IL5: variants seen among roughly 807,000 people sequenced by gnomAD.
IL5 encodes interleukin-5.
IL5 carries 12 observed loss-of-function variants against 16.3 expected under a neutral mutation model. That is an observed-to-expected ratio of 0.74 (90% CI 0.47 to 1.20). The LOEUF (loss-of-function observed/expected upper bound fraction) is 1.20, where lower values mean the gene tolerates loss of function less well. IL5 is among the 50% of genes most tolerant of loss of function. The pLI is 0.00. For synonymous variants in IL5, 54 were observed against 56.6 expected (o/e 0.95, Z 0.21); for missense variants, 159 against 153.9 (o/e 1.03, Z -0.17).
intron 1 of IL5, among the ~76,000 whole-genome samples, chr5:132,552,958 T>A (rs1021305729): frequency 1.9e-4 from 29 of 152,058 alleles, no homozygotes; most frequent in African/African-American, 7.0e-4. Context: ...ATGGTCTCAA[T>A]CTCCTGGCCT....
chr5:132,551,887 A>G (rs918791370), intron 1 of IL5, among the ~76,000 whole-genome samples: 4 of 152,178 alleles, frequency 2.6e-5, no homozygotes, highest in East Asian at 1.9e-4. Flanking sequence ...TTAAATTGCA[A>G]TTTCTAAGAA....
upstream of IL5, among the ~76,000 whole-genome samples, chr5:132,548,127 A>G (rs1465031605): frequency 6.6e-6 from 1 of 152,048 alleles, no homozygotes; most frequent in East Asian, 1.9e-4. Context: ...GATTGTTTTT[A>G]CCATTATTAT....
intron 1 of IL5, among the ~76,000 whole-genome samples, chr5:132,554,814 T>TA (rs1353141391): frequency 5.9e-5 from 9 of 152,190 alleles, no homozygotes; most frequent in Admixed American, 1.3e-4. Flanking sequence ...AATAGATGGA[T>TA]AAGCAAAATG....
chr5:132,543,608 A>G, upstream of IL5: 2 of 820,344 alleles, frequency 2.4e-6, no homozygotes, highest in South Asian at 5.8e-5. Flanking sequence ...AATGCCTAAT[A>G]ATGGCATATC....
upstream of IL5, among the ~76,000 whole-genome samples, chr5:132,548,485 A>G (rs1749829050): frequency 6.6e-6 from 1 of 152,232 alleles, no homozygotes; most frequent in Non-Finnish European, 1.5e-5. Flanking sequence ...CAGGTCCTTG[A>G]ATAACTTTGC....
chr5:132,551,474 T>G (rs1749881533), intron 1 of IL5, among the ~76,000 whole-genome samples: 1 of 152,140 alleles, frequency 6.6e-6, no homozygotes, highest in South Asian at 2.1e-4. Context: ...TACTCCAGTT[T>G]CCTCTCACAT....
At chr5:132,545,759 C>G (rs1037902793), upstream of IL5, among the ~76,000 whole-genome samples, 5 of 152,032 alleles carry the variant, frequency 3.3e-5, no homozygotes, top group Non-Finnish European at 5.9e-5. Context: ...TTCAAAGAAG[C>G]CTTTATAAAA....
At position 132,543,478 on chromosome 5, in the gene IL5, TG is replaced by T; in HGVS notation, c.-1del. The T allele has an allele frequency of 6.2e-7, 1 of 1,614,074 alleles. No individual in the cohort carries two copies. The highest frequency in any genetic ancestry group is 8.5e-7 in the Non-Finnish European group (1 of 1,179,956). On this transcript the variant is annotated 5_prime_UTR_variant, in exon 1 of 4. Transcript: ENST00000231454. ...AAACTCAAATGCAGAAGCATCCTCA[TG>T]GCTCTGAAACGTTCTGCGTTTGCCT...
intron 1 of IL5, among the ~76,000 whole-genome samples, chr5:132,552,605 AT>A (rs557729091): frequency 4.6e-4 from 70 of 151,746 alleles, no homozygotes; most frequent in Non-Finnish European, 7.5e-4. Context: ...TCAACTCACT[AT>A]TTTTTTTCTG....
chr5:132,555,810 T>A (rs932636307), intron 1 of IL5, among the ~76,000 whole-genome samples: 1 of 152,238 alleles, frequency 6.6e-6, no homozygotes, highest in East Asian at 1.9e-4. Flanking sequence ...CCACCGCGCC[T>A]GGCCAAGACA....
At chr5:132,553,825 C>T (rs1749923643) in intron 1 of IL5, among the ~76,000 whole-genome samples, 1 of 150,904 alleles carries the variant, frequency 6.6e-6, no homozygotes. Context: ...GTCCCAGCTA[C>T]AGTCCTCAGA....
At chr5:132,555,688 T>C (rs1366780669) in intron 1 of IL5, among the ~76,000 whole-genome samples, 2 of 152,140 alleles carry the variant, frequency 1.3e-5, no homozygotes, top group Admixed American at 6.5e-5. Context: ...GCTAATTTTT[T>C]GTGTTTTCAG....
chr5:132,542,575 T>G (rs914056226), intron 2 of IL5, among the ~76,000 whole-genome samples: 5 of 152,200 alleles, frequency 3.3e-5, no homozygotes, highest in African/African-American at 1.2e-4. Context: ...TTTATTCTAT[T>G]TAGACTAATA....
At chr5:132,543,556 C>T, upstream of IL5, 1 of 1,443,678 alleles carries the variant, frequency 6.9e-7, no homozygotes, top group African/African-American at 1.4e-5. Flanking sequence ...AATTTATTGT[C>T]TGTCTTTGAG....
chr5:132,545,903 G>A (rs1396488156), upstream of IL5, among the ~76,000 whole-genome samples: 2 of 152,088 alleles, frequency 1.3e-5, no homozygotes, highest in Non-Finnish European at 2.9e-5. Context: ...CTGCGCAAGA[G>A]AGTGAGACTG....
rs181065673 is a variant in IL5, at chr5:132,543,125, G to C, written c.146C>G (p.Thr49Ser). 6.9e-5 allele frequency: 110 copies of C among 1,605,780 alleles called. No individual in the cohort carries two copies. Among genetic ancestry groups the C allele is most frequent in the Non-Finnish European group, 9.1e-5 (107 of 1,173,390 alleles). ...ATGTACAGGAACAGGAATCCTCAGA[G>C]TCTGGAGAGGAAAGGAAATACAATC... ...THRTLLIANE[T>S]LRIPVPVHKN... The change falls in exon 2 of 4, where the codon ACT (threonine) becomes AGT (serine). Residue 49 changes from threonine to serine, a missense_variant and splice_region_variant. Thr to Ser is a moderately conservative substitution (Grantham distance 58, BLOSUM62 1). Transcript: ENST00000231454.
intron 1 of IL5, among the ~76,000 whole-genome samples, chr5:132,549,548 G>C (rs12652920): frequency 0.16 from 25,055 of 152,138 alleles, 2,511 homozygotes; most frequent in Non-Finnish European, 0.22. Context: ...TTAGTACTTT[G>C]ATTTTTAAAT....
chr5:132,541,528 A>C lies in IL5; in HGVS notation c.*283T>G. 1 of 314,940 alleles carries C rather than the reference A, an allele frequency of 3.2e-6. No individual in the cohort carries two copies. Among genetic ancestry groups the C allele is most frequent in the Non-Finnish European group, 5.8e-6 (1 of 172,034 alleles). 19.5% of individuals were successfully genotyped at this position (314,940 alleles called of 1,614,324 possible). A position where few individuals can be genotyped will look rare whatever the true frequency, so the allele number is the denominator to read the frequency against. On this transcript the variant is annotated 3_prime_UTR_variant, in exon 4 of 4. Coordinates refer to ENST00000231454, the MANE Select transcript of IL5 (RefSeq NM_000879.3). ...TACCAAATTCTTAACCATTTCATAA[A>C]TACTATTAAGTTAACAGACATTTTA...
At chr5:132,546,239 T>C (rs1749784889), upstream of IL5, among the ~76,000 whole-genome samples, 1 of 152,310 alleles carries the variant, frequency 6.6e-6, no homozygotes, top group African/African-American at 2.4e-5. Context: ...TAATGTTGTG[T>C]GACAAATCTC....
Sources: allele counts gnomAD v4.1 joint callset (sites outside exome capture counted in the v4.1 genomes callset), GRCh38; gene constraint gnomAD v4.1.1; transcripts MANE v1.5; gene names NCBI Gene and HGNC (gene_info 2026-07-23, HGNC 2026-07-21).